The following MGAT4C variants were observed in gnomAD, a reference collection of about 807,000 sequenced individuals.
MGAT4C encodes alpha-1,3-mannosyl-glycoprotein 4-beta-N-acetylglucosaminyltransferase C.
In MGAT4C, 19 loss-of-function variants were observed where a neutral mutation model predicts 40.1. The observed-to-expected ratio is 0.47, with a 90% CI of 0.33 to 0.70. The LOEUF (loss-of-function observed/expected upper bound fraction) is 0.70, where lower values mean the gene tolerates loss of function less well. Among genes scored for constraint, MGAT4C ranks in the 30% least tolerant of loss-of-function variants. MGAT4C has a pLI of 0.02. For missense variants in MGAT4C, 491 were observed against 563.2 expected (o/e 0.87, Z 1.30); for synonymous variants, 181 against 187.1 (o/e 0.97, Z 0.27).
intron 1 of MGAT4C, among the ~76,000 whole-genome samples, chr12:86,068,859 C>A (rs1468193026): frequency 6.6e-6 from 1 of 152,106 alleles, no homozygotes; most frequent in East Asian, 1.9e-4. Flanking sequence ...GGTGGGCTTT[C>A]TCTTCTCTTT....
At chr12:86,271,171 T>C (rs1383401947) in intron 4 of MGAT4C, among the ~76,000 whole-genome samples, 14 of 152,116 alleles carry the variant, frequency 9.2e-5, no homozygotes, top group Admixed American at 9.2e-4. Context: ...AGTGGGGCTA[T>C]ATTAAACTAA....
At chr12:86,301,683 C>T (rs1301179265) in intron 4 of MGAT4C, among the ~76,000 whole-genome samples, 3 of 152,150 alleles carry the variant, frequency 2.0e-5, no homozygotes, top group Non-Finnish European at 4.4e-5. Flanking sequence ...GATGACTGTA[C>T]AATTCTGTTA....
chr12:86,089,336 T>C (rs144947090), intron 1 of MGAT4C, among the ~76,000 whole-genome samples: 85 of 152,058 alleles, frequency 5.6e-4, no homozygotes, highest in African/African-American at 1.9e-3. Flanking sequence ...TGTTAATACA[T>C]TGAAAATGTA....
intron 2 of MGAT4C, among the ~76,000 whole-genome samples, chr12:86,553,781 T>C (rs1378855784): frequency 6.6e-6 from 1 of 152,144 alleles, no homozygotes; most frequent in Non-Finnish European, 1.5e-5. Flanking sequence ...TTTTTAGAAA[T>C]TGTAATTGGA....
rs531416776 is a variant in MGAT4C, at chr12:86,414,515, T to C, written c.-120+20642A>G. On this transcript the variant is annotated intron_variant, in intron 3 of 7. Coordinates refer to the MGAT4C transcript ENST00000548651. ...TTACTTTTTATTGATTTAGACAATA[T>C]ATGAGTTGTCAGAAAAATCCCATTT... Among the ~76,000 whole-genome samples the C allele has an allele frequency of 5.3e-5, 8 of 152,274 alleles. No individual in the cohort carries two copies. In the East Asian group the frequency reaches 1.5e-3, roughly 29 times the overall value.
At chr12:86,050,657 C>A (rs1892813464) in intron 1 of MGAT4C, among the ~76,000 whole-genome samples, 1 of 151,984 alleles carries the variant, frequency 6.6e-6, no homozygotes, top group South Asian at 2.1e-4. Flanking sequence ...CTGATATCTC[C>A]ATCAGCATTT....
rs373863771 is a variant in MGAT4C at position 86,622,574 on chromosome 12, G to A, written c.-229+104635C>T. Among the ~76,000 whole-genome samples, 7 of 152,180 alleles carry A rather than the reference G, an allele frequency of 4.6e-5. No individual in the cohort carries two copies. The East Asian group carries it at 1.4e-3, about 29-fold the overall frequency. Reference sequence around the variant, plus strand: ...ATGCCTCAGTAGTGTGACAAAATTAGCCCATGACTAAAAGCTGTACCAGCA... The same window carrying A: ...ATGCCTCAGTAGTGTGACAAAATTAACCCATGACTAAAAGCTGTACCAGCA... On this transcript the variant is annotated intron_variant, in intron 2 of 7. Coordinates refer to the MGAT4C transcript ENST00000548651.
intron 2 of MGAT4C, among the ~76,000 whole-genome samples, chr12:86,476,290 C>A (rs1446943042): frequency 1.3e-5 from 2 of 152,022 alleles, no homozygotes; most frequent in Non-Finnish European, 2.9e-5. Context: ...TCAAAAGACA[C>A]TTCTGAAAAG....
chr12:86,338,060 C>A (rs1954827810), intron 3 of MGAT4C, among the ~76,000 whole-genome samples: 1 of 152,134 alleles, frequency 6.6e-6, no homozygotes, highest in African/African-American at 2.4e-5. Context: ...TTTACCAAGA[C>A]AGGGGAATTG....
chr12:86,739,290 T>A (rs569231280), intron 1 of MGAT4C, among the ~76,000 whole-genome samples: 1 of 144,332 alleles, frequency 6.9e-6, no homozygotes, highest in South Asian at 2.2e-4. Context: ...TGCTGTTATA[T>A]TTACAAGTCT....
At chr12:86,712,012 A>C (rs1049711913) in intron 2 of MGAT4C, among the ~76,000 whole-genome samples, 1 of 152,160 alleles carries the variant, frequency 6.6e-6, no homozygotes, top group Admixed American at 6.6e-5. Context: ...ATATATTGCC[A>C]TGTGCTGGTG....
intron 1 of MGAT4C, among the ~76,000 whole-genome samples, chr12:86,090,911 T>G (rs1327690461): frequency 6.6e-6 from 1 of 151,944 alleles, no homozygotes. Context: ...ACCAATTGTT[T>G]AATTTACCAT....
intron 1 of MGAT4C, among the ~76,000 whole-genome samples, chr12:86,058,342 A>G (rs945083425): frequency 6.6e-6 from 1 of 152,168 alleles, no homozygotes; most frequent in African/African-American, 2.4e-5. Flanking sequence ...AATATTTTAC[A>G]GTCTGCCAAA....
intron 2 of MGAT4C, among the ~76,000 whole-genome samples, chr12:86,664,101 A>G (rs1251712468): frequency 6.6e-6 from 1 of 151,982 alleles, no homozygotes; most frequent in Non-Finnish European, 1.5e-5. Flanking sequence ...GGGATTCTGA[A>G]CACTGTTTAT....
intron 2 of MGAT4C, among the ~76,000 whole-genome samples, chr12:86,667,531 C>T (rs1964143558): frequency 6.6e-6 from 1 of 152,164 alleles, no homozygotes; most frequent in African/African-American, 2.4e-5. Context: ...GCATCAGTTT[C>T]ATAAGCCATT....
At chr12:86,744,362 G>T (rs1462771805) in intron 1 of MGAT4C, among the ~76,000 whole-genome samples, 1 of 151,570 alleles carries the variant, frequency 6.6e-6, no homozygotes, top group Non-Finnish European at 1.5e-5. Flanking sequence ...GCCAAAGCAG[G>T]GTGGGGAAGA....
chr12:86,022,302 T>C (rs1889814964), intron 2 of MGAT4C: 1 of 152,234 alleles, frequency 6.6e-6, no homozygotes, highest in Non-Finnish European at 1.5e-5. Flanking sequence ...TTTTAAATGG[T>C]TACTCAGTCT....
chr12:86,509,496 A>G (rs1958534345), intron 2 of MGAT4C, among the ~76,000 whole-genome samples: 3 of 152,148 alleles, frequency 2.0e-5, no homozygotes, highest in Admixed American at 1.3e-4. Flanking sequence ...AGGTAGCGTG[A>G]TGCCTCCAGC....
At chr12:86,304,214 C>T (rs1953880572) in intron 4 of MGAT4C, among the ~76,000 whole-genome samples, 1 of 150,544 alleles carries the variant, frequency 6.6e-6, no homozygotes, top group Admixed American at 6.6e-5. Flanking sequence ...TTCAGCTTTC[C>T]AAAATGATTT....
Sources: allele counts gnomAD v4.1 joint callset (sites outside exome capture counted in the v4.1 genomes callset), GRCh38; gene constraint gnomAD v4.1.1; transcripts MANE v1.5; gene names NCBI Gene and HGNC (gene_info 2026-07-23, HGNC 2026-07-21).